Variants in KALRN observed in about 807,000 individuals in gnomAD.
The protein encoded by KALRN is kalirin RhoGEF kinase, also known as kalirin.
In KALRN, 70 loss-of-function variants were observed where a neutral mutation model predicts 353.7. The observed-to-expected ratio is 0.20, with a 90% CI of 0.16 to 0.24. The LOEUF (loss-of-function observed/expected upper bound fraction) is 0.24, where lower values mean the gene tolerates loss of function less well. Ranked by LOEUF, KALRN falls within the 10% of genes least tolerant of loss-of-function variation. The pLI, the probability that KALRN is intolerant of heterozygous loss-of-function variation, is 1.00. For missense variants in KALRN, 2,791 were observed against 3,756.7 expected, an observed-to-expected ratio of 0.74 and a Z score of 6.72; for synonymous variants, 1,391 against 1,434.8, an observed-to-expected ratio of 0.97 and a Z score of 0.69.
At chr3:124,266,968 C>A (rs1032949370) in intron 4 of KALRN, among the ~76,000 whole-genome samples, 3 of 152,156 alleles carry the variant, frequency 2.0e-5, no homozygotes, top group African/African-American at 7.2e-5. Flanking sequence ...GCATTGCTGG[C>A]CTGCATGTCC....
chr3:124,070,223 G>A (rs2059948790), intron 1 of KALRN, among the ~76,000 whole-genome samples: 1 of 152,130 alleles, frequency 6.6e-6, no homozygotes, highest in Admixed American at 6.5e-5. Flanking sequence ...TGGAGTGAAG[G>A]CAGAGACTGT....
intron 7 of KALRN, among the ~76,000 whole-genome samples, chr3:124,327,193 T>A (rs1198511999): frequency 6.6e-6 from 1 of 152,204 alleles, no homozygotes; most frequent in Non-Finnish European, 1.5e-5. Flanking sequence ...CAGACTAAAC[T>A]TAAAAATGTG....
At chr3:124,468,888 T>C (rs956395729) in intron 25 of KALRN, among the ~76,000 whole-genome samples, 11 of 152,240 alleles carry the variant, frequency 7.2e-5, no homozygotes, top group Non-Finnish European at 1.3e-4. Flanking sequence ...TACTGTTGTT[T>C]GTGTTTTCAG....
At chr3:124,411,087 A>G (rs1031246799) in intron 13 of KALRN, among the ~76,000 whole-genome samples, 3 of 152,176 alleles carry the variant, frequency 2.0e-5, no homozygotes, top group Non-Finnish European at 4.4e-5. Flanking sequence ...AACAAAAGCC[A>G]GATGTTTAAA....
intron 38 of KALRN, among the ~76,000 whole-genome samples, chr3:124,653,044 G>A (rs1167058116): frequency 6.6e-6 from 1 of 152,160 alleles, no homozygotes; most frequent in African/African-American, 2.4e-5. Flanking sequence ...CACATCCTGA[G>A]CTATCTTGAA....
intron 7 of KALRN, among the ~76,000 whole-genome samples, chr3:124,328,383 C>T (rs971201580): frequency 1.3e-5 from 2 of 152,182 alleles, no homozygotes; most frequent in Admixed American, 6.5e-5. Flanking sequence ...GTCTCTCTGG[C>T]ATTATCTCCT....
chr3:124,500,755 T>C (rs1047399228), intron 33 of KALRN, among the ~76,000 whole-genome samples: 2 of 152,242 alleles, frequency 1.3e-5, no homozygotes, highest in African/African-American at 2.4e-5. Context: ...CTTTGTTCCA[T>C]GGTGGTCTGA....
At chr3:124,058,002 G>A (rs558389514) in intron 1 of KALRN, among the ~76,000 whole-genome samples, 64 of 152,304 alleles carry the variant, frequency 4.2e-4, no homozygotes, top group Non-Finnish European at 7.9e-4. Flanking sequence ...AAGGCAAGGA[G>A]GAGCAAGTCA....
At chr3:124,166,466 A>T (rs1386757473) in intron 1 of KALRN, among the ~76,000 whole-genome samples, 2 of 152,130 alleles carry the variant, frequency 1.3e-5, no homozygotes, top group Non-Finnish European at 2.9e-5. Flanking sequence ...CATAAAAATT[A>T]TTTTTTTCAC....
chr3:124,180,634 T>C (rs2073436819), intron 1 of KALRN, among the ~76,000 whole-genome samples: 1 of 152,074 alleles, frequency 6.6e-6, no homozygotes, highest in South Asian at 2.1e-4. Flanking sequence ...ACCTCCCTCG[T>C]TGGACTCATG....
intron 1 of KALRN, among the ~76,000 whole-genome samples, chr3:124,069,273 A>G (rs1390944845): frequency 1.8e-4 from 26 of 144,994 alleles, no homozygotes; most frequent in Admixed American, 9.9e-4. Context: ...CATTCTTTCT[A>G]TTGGATCACC....
chr3:124,671,409 C>T (rs940814820), intron 47 of KALRN, among the ~76,000 whole-genome samples: 1 of 152,218 alleles, frequency 6.6e-6, no homozygotes. Context: ...TTTGTTATTA[C>T]CACCACACAC....
chr3:124,212,935 C>A (rs183307185), intron 1 of KALRN, among the ~76,000 whole-genome samples: 2 of 151,880 alleles, frequency 1.3e-5, no homozygotes, highest in African/African-American at 2.4e-5. Context: ...ATATTCTTTG[C>A]GCATTTTTCA....
intron 1 of KALRN, among the ~76,000 whole-genome samples, chr3:124,192,974 A>G (rs1168975903): frequency 6.6e-6 from 1 of 152,252 alleles, no homozygotes; most frequent in African/African-American, 2.4e-5. Flanking sequence ...AGTTAATTAC[A>G]TATGCATAAA....
chr3:124,632,393 A>T lies in KALRN; in HGVS notation c.5183-27A>T. 1.9e-6 allele frequency: 3 copies of T among 1,609,908 alleles called. No individual in the cohort carries two copies. In the East Asian group the frequency reaches 6.7e-5, roughly 36 times the overall value. The stretch of plus-strand genomic sequence containing the variant: ...GCGGCCTGCCTTCACCACCTCTGAC[A>T]TGGCTGTGTCTGTCCGTTTTCCTCA... On this transcript the variant is annotated intron_variant, in intron 34 of 59. Transcript: ENST00000682506.
chr3:124,471,656 C>T (rs2060911788), intron 25 of KALRN, among the ~76,000 whole-genome samples: 1 of 151,980 alleles, frequency 6.6e-6, no homozygotes, highest in African/African-American at 2.4e-5. Flanking sequence ...GAAAGTCAGA[C>T]CTGGGGGTAG....
intron 5 of KALRN, among the ~76,000 whole-genome samples, chr3:124,270,500 CAT>C (rs1560419794): frequency 2.6e-5 from 4 of 152,190 alleles, no homozygotes; most frequent in African/African-American, 9.6e-5. Flanking sequence ...TTTTTTATAA[CAT>C]ATAGTAAAAA....
At chr3:124,594,095 C>T (rs113888996) in intron 34 of KALRN, among the ~76,000 whole-genome samples, 1 of 152,240 alleles carries the variant, frequency 6.6e-6, no homozygotes, top group Non-Finnish European at 1.5e-5. Context: ...CTAGAGACAA[C>T]CACTACCTAA....
In KALRN at chr3:124,422,910, G is replaced by T. The variant is rs1164868672; in HGVS notation, c.2641G>T (p.Ala881Ser). 1 of 1,613,882 alleles carries T rather than the reference G, an allele frequency of 6.2e-7. No individual in the cohort carries two copies. The highest frequency in any genetic ancestry group is 1.1e-5 in the South Asian group (1 of 91,068). Residue 881 changes from alanine (A) to serine (S), a missense_variant, in exon 15 of 60, where the codon GCA becomes TCA. By Grantham distance (99) the Ala-to-Ser change is moderately conservative (BLOSUM62 1). Transcript: ENST00000682506. Reference sequence around the variant, plus strand: ...GAAGCAGCATGAATTGGAGCTCAATGCAGAGCAGACTCATAAGCGGCTAGA... The same window carrying T: ...GAAGCAGCATGAATTGGAGCTCAATTCAGAGCAGACTCATAAGCGGCTAGA... The part of the protein sequence containing the change: ...HEKQHELELN[A>S]EQTHKRLEQC...
Sources: allele counts gnomAD v4.1 joint callset (sites outside exome capture counted in the v4.1 genomes callset), GRCh38; gene constraint gnomAD v4.1.1; transcripts MANE v1.5; gene names NCBI Gene and HGNC (gene_info 2026-07-23, HGNC 2026-07-21).